BZW2: variants seen among roughly 807,000 people sequenced by gnomAD.
The protein encoded by BZW2 is basic leucine zipper and W2 domains 2.
BZW2 carries 23 observed loss-of-function variants against 53.2 expected under a neutral mutation model. That is an observed-to-expected ratio of 0.43 (90% CI 0.31 to 0.61). BZW2 has a LOEUF of 0.61. BZW2 is among the 20% of genes least tolerant of loss of function. The pLI, the probability that BZW2 is intolerant of heterozygous loss-of-function variation, is 0.09. For missense variants in BZW2, 409 were observed against 503.1 expected (o/e 0.81, Z 1.79); for synonymous variants, 227 against 186.4 (o/e 1.22, Z -1.77).
chr7:16,688,129 T>G (rs1783187710), intron 6 of BZW2, among the ~76,000 whole-genome samples: 1 of 152,172 alleles, frequency 6.6e-6, no homozygotes, highest in South Asian at 2.1e-4. Flanking sequence ...GCTTTTACTT[T>G]CCAGTTGCTG....
intron 10 of BZW2, among the ~76,000 whole-genome samples, chr7:16,702,725 C>G (rs1783708095): frequency 6.6e-6 from 1 of 152,082 alleles, no homozygotes; most frequent in African/African-American, 2.4e-5. Flanking sequence ...CCAACCTGTA[C>G]TTTGTATCAT....
At chr7:16,649,473 C>A (rs1394852490) in intron 1 of BZW2, among the ~76,000 whole-genome samples, 1 of 152,150 alleles carries the variant, frequency 6.6e-6, no homozygotes, top group African/African-American at 2.4e-5. Flanking sequence ...ATGCTATCAA[C>A]CAAGAAAAAT....
chr7:16,646,737 T>G lies in BZW2; in HGVS notation c.-8+449T>G, dbSNP rs1416020191. Among the ~76,000 whole-genome samples, 3 of 152,192 alleles carry G rather than the reference T, an allele frequency of 2.0e-5. No individual in the cohort carries two copies. In the East Asian group the frequency reaches 5.8e-4, roughly 29 times the overall value. On this transcript the variant is annotated intron_variant, in intron 1 of 11. Transcript: ENST00000258761. ...AAGGTAGTTTTTACGCTGGTGATCC[T>G]CGCCCTCCCCACTACTTGTCATCTC...
intron 2 of BZW2, among the ~76,000 whole-genome samples, chr7:16,670,175 G>A (rs185640036): frequency 3.3e-5 from 5 of 152,164 alleles, no homozygotes; most frequent in Non-Finnish European, 7.3e-5. Context: ...TTTCCAAGCT[G>A]TAAGTAATCA....
chr7:16,662,683 G>A (rs1475615329), intron 1 of BZW2, among the ~76,000 whole-genome samples: 1 of 152,150 alleles, frequency 6.6e-6, no homozygotes. Context: ...TCAAGAGGCT[G>A]AGATGAGAGA....
chr7:16,670,115 A>G (rs1782555896), intron 2 of BZW2, among the ~76,000 whole-genome samples: 1 of 152,188 alleles, frequency 6.6e-6, no homozygotes, highest in South Asian at 2.1e-4. Context: ...AGCTTTTTTC[A>G]GCCTGCAAAA....
intron 2 of BZW2, among the ~76,000 whole-genome samples, chr7:16,673,706 TA>T (rs1782678699): frequency 1.3e-5 from 2 of 152,124 alleles, no homozygotes; most frequent in South Asian, 4.1e-4. Flanking sequence ...TTTAGAATCC[TA>T]ATCCTTTGTA....
At chr7:16,665,976 C>T (rs2128354641) in intron 2 of BZW2, among the ~76,000 whole-genome samples, 1 of 152,276 alleles carries the variant, frequency 6.6e-6, no homozygotes, top group Middle Eastern at 3.4e-3. Context: ...TTTCAAGTGT[C>T]TTCAATTGTG....
At position 16,681,863 on chromosome 7, in the gene BZW2, C is replaced by CT. The variant is rs577041075; in HGVS notation, c.339+468dup. Among the ~76,000 whole-genome samples the CT allele has an allele frequency of 1.2e-4, 18 of 151,104 alleles. No homozygotes were observed. The East Asian group carries it at 1.6e-3, about 13-fold the overall frequency. On this transcript the variant is annotated intron_variant, in intron 4 of 11. Transcript: ENST00000258761. ...CAAAAAGAACTACAAGAATATAATG[C>CT]TTTTTTTTTAACCTCTCTTGTGGGA... is the stretch of plus-strand genomic sequence containing the variant.
rs369984633 is a variant in BZW2, at chr7:16,682,821, G to A, written c.381G>A (p.Lys127=). The change falls in exon 5 of 12, where the codon AAG becomes AAA. Residue 127 remains lysine, a synonymous_variant. Coordinates refer to ENST00000258761, the MANE Select transcript of BZW2 (RefSeq NM_014038.3). The stretch of plus-strand genomic sequence containing the variant: ...TCAGGAGATATAAGTATTTGGAGAA[G>A]GCATTTGAAGATGAAATGAAAAAGG... The part of the protein sequence containing the change: ...KLIRRYKYLE[K]AFEDEMKKLL... 33 of 1,577,142 alleles carry A rather than the reference G, an allele frequency of 2.1e-5. No individual in the cohort carries two copies. The highest frequency in any genetic ancestry group is 2.7e-5 in the Non-Finnish European group (31 of 1,154,302).
chr7:16,694,356 G>A (rs1016932898), intron 7 of BZW2, among the ~76,000 whole-genome samples: 1 of 152,134 alleles, frequency 6.6e-6, no homozygotes, highest in Admixed American at 6.5e-5. Context: ...CCATGTCAAG[G>A]GGCTGCATCT....
chr7:16,658,556 G>A (rs1782172370), intron 1 of BZW2, among the ~76,000 whole-genome samples: 1 of 152,034 alleles, frequency 6.6e-6, no homozygotes, highest in Non-Finnish European at 1.5e-5. Flanking sequence ...GAAAAATAAG[G>A]TCAAATGCTC....
intron 5 of BZW2, among the ~76,000 whole-genome samples, chr7:16,684,471 TATG>T (rs937606957): frequency 1.8e-4 from 28 of 152,378 alleles, no homozygotes; most frequent in Middle Eastern, 3.4e-3. Context: ...TTATTATTTT[TATG>T]ATGATCTAAT....
At chr7:16,653,130 G>A (rs1176819618) in intron 1 of BZW2, among the ~76,000 whole-genome samples, 2 of 151,990 alleles carry the variant, frequency 1.3e-5, no homozygotes, top group African/African-American at 4.8e-5. Context: ...GGAGTTTCTT[G>A]GTTGAGAGAA....
chr7:16,689,902 T>C lies in BZW2; in HGVS notation c.647T>C (p.Leu216Pro). The change falls in exon 7 of 12, where the codon CTG becomes CCG. Residue 216 changes from leucine to proline, a missense_variant. Physicochemically the swap from Leu to Pro is moderately conservative, Grantham distance 98. This residue lies in a region of BZW2 where 316 missense variants were observed against 366.8 expected (regional missense o/e 0.86). Transcript: ENST00000258761. ...SLRKANLDKR[L>P]LELFPVNRQS... The stretch of plus-strand genomic sequence containing the variant: ...AGAAAAGCCAACTTAGACAAGAGGC[T>C]GCTTGTAAGTGTTTTCTGGTTAAAG... 1.2e-6 allele frequency: 2 copies of C among 1,607,978 alleles called. No homozygotes were observed. Among genetic ancestry groups the C allele is most frequent in the Non-Finnish European group, 1.7e-6 (2 of 1,176,632 alleles).
At position 16,666,389 on chromosome 7, in the gene BZW2, T is replaced by TTTTATTTATTTATTTATTTATTTA. The variant is rs79317366; in HGVS notation, c.58+897_58+920dup. ...ACTGCACCTGGCCTGTATAAAAGAC[T>TTTTATTTATTTATTTATTTATTTA]TTTATTTATTTATTTATTTATTTAT... is the stretch of plus-strand genomic sequence containing the variant. On this transcript the variant is annotated intron_variant, in intron 2 of 11. Transcript: ENST00000258761. Among the ~76,000 whole-genome samples, 108 of 146,012 alleles carry TTTTATTTATTTATTTATTTATTTA rather than the reference T, an allele frequency of 7.4e-4. 1 individual carries two copies. Among genetic ancestry groups the TTTTATTTATTTATTTATTTATTTA allele is most frequent in the South Asian group, 2.0e-3 (9 of 4,576 alleles).
chr7:16,669,250 C>T (rs1226320542), intron 2 of BZW2, among the ~76,000 whole-genome samples: 9 of 152,188 alleles, frequency 5.9e-5, no homozygotes, highest in South Asian at 4.1e-4. Context: ...CTCAACCTCC[C>T]GAGTAGCTGG....
intron 2 of BZW2, 93 bp downstream of exon 2, chr7:16,665,594 T>G: frequency 1.3e-6 from 2 of 1,545,474 alleles, no homozygotes; most frequent in Non-Finnish European, 1.8e-6. Flanking sequence ...TCCCCCAGCC[T>G]CACTGATTCT....
In BZW2 at chr7:16,646,305, G is replaced by C. The variant is rs1781859365; in HGVS notation, c.-8+17G>C. 4.9e-6 allele frequency: 1 copy of C among 205,068 alleles called. No individual in the cohort carries two copies. The highest frequency in any genetic ancestry group is 2.4e-5 in the African/African-American group (1 of 42,052). The allele number at this position is 205,068 out of a possible 1,614,324, so 12.7% of individuals were successfully genotyped here. A position where few individuals can be genotyped will look rare whatever the true frequency, so the allele number is the denominator to read the frequency against. On this transcript the variant is annotated intron_variant, in intron 1 of 11. Transcript: ENST00000258761. Reference sequence around the variant, plus strand: ...CTCGGACAGGTGAGAAGCAGCCCAGGTGAGGCAAGGGGCGCCGTGAGGGTT... The same window carrying C: ...CTCGGACAGGTGAGAAGCAGCCCAGCTGAGGCAAGGGGCGCCGTGAGGGTT...
Sources: allele counts gnomAD v4.1 joint callset (sites outside exome capture counted in the v4.1 genomes callset), GRCh38; gene constraint gnomAD v4.1.1; regional missense constraint gnomAD v4.1.1; transcripts MANE v1.5; gene names NCBI Gene and HGNC (gene_info 2026-07-23, HGNC 2026-07-21).